Variants in CYP20A1 observed in about 807,000 individuals in gnomAD.
CYP20A1 encodes the protein cytochrome P450 20A1.
CYP20A1 carries 61 observed loss-of-function variants against 61.4 expected under a neutral mutation model. The observed-to-expected ratio is 0.99, with a 90% CI of 0.81 to 1.23. The LOEUF (loss-of-function observed/expected upper bound fraction) is 1.23. Among genes scored for constraint, CYP20A1 ranks in the 50% most tolerant of loss-of-function variants. The probability of loss-of-function intolerance (pLI) is 0.00; values close to 1 mark genes in which losing one functional copy is unlikely to be tolerated. For synonymous variants in CYP20A1, 193 were observed against 188.2 expected (o/e 1.03, Z -0.21); for missense variants, 530 against 542.4 (o/e 0.98, Z 0.23).
rs571027571 is a variant in CYP20A1 at position 203,292,950 on chromosome 2, C to T, written c.1148+624C>T. ...CAGCACTTTGGGAGGCTGAGGCGGG[C>T]GGATCACAAGGTCATGAGTTCAAGA... On this transcript the variant is annotated intron_variant, in intron 11 of 12. Transcript: ENST00000356079. Among the ~76,000 whole-genome samples, 625 of 151,762 alleles carry T rather than the reference C, an allele frequency of 4.1e-3. 10 individuals carry two copies. Among genetic ancestry groups the T allele is most frequent in the Admixed American group, 0.026 (400 of 15,260 alleles).
At chr2:203,281,275 G>C (rs768377457) in intron 8 of CYP20A1, among the ~76,000 whole-genome samples, 6 of 152,248 alleles carry the variant, frequency 3.9e-5, no homozygotes, top group Admixed American at 3.9e-4. Context: ...GGGAGGCCGA[G>C]GTGGATGAAT....
chr2:203,278,470 T>C (rs2067912202), intron 6 of CYP20A1, 103 bp from the exon 7 acceptor site: 1 of 497,370 alleles, frequency 2.0e-6, no homozygotes. Flanking sequence ...GTTACTAACT[T>C]TGAAGGTTTT....
At chr2:203,295,861 A>C (rs560697561) in intron 11 of CYP20A1, among the ~76,000 whole-genome samples, 2 of 152,228 alleles carry the variant, frequency 1.3e-5, no homozygotes, top group Admixed American at 1.3e-4. Flanking sequence ...AGACAGGAGA[A>C]TTGCTTGAAC....
chr2:203,279,067 C>T (rs1320480918), intron 7 of CYP20A1, among the ~76,000 whole-genome samples: 3 of 152,022 alleles, frequency 2.0e-5, no homozygotes, highest in Non-Finnish European at 4.4e-5. Flanking sequence ...TGGGTTCAAG[C>T]GATTCTCCTG....
At chr2:203,277,679 C>T (rs2067880173) in intron 6 of CYP20A1, among the ~76,000 whole-genome samples, 1 of 152,020 alleles carries the variant, frequency 6.6e-6, no homozygotes. Flanking sequence ...CTGAGCCCAC[C>T]TAATTTTTGT....
intron 1 of CYP20A1, among the ~76,000 whole-genome samples, chr2:203,243,374 C>T (rs1407981474): frequency 7.0e-6 from 1 of 142,570 alleles, no homozygotes; most frequent in Non-Finnish European, 1.5e-5. Flanking sequence ...GAACTCCTGA[C>T]CTCGTGATCC....
chr2:203,291,025 G>A (rs1204150777), intron 10 of CYP20A1, among the ~76,000 whole-genome samples: 1 of 152,054 alleles, frequency 6.6e-6, no homozygotes, highest in Non-Finnish European at 1.5e-5. Context: ...TACAGGTGTT[G>A]AGTAGAGTCT....
rs2069185144 is a variant in CYP20A1, at chr2:203,305,562, G to A, written c.*8654G>A. On this transcript the variant is annotated 3_prime_UTR_variant, in exon 13 of 13. Transcript: ENST00000356079. ...TTATAGTATGTGATAAATAGATCTT[G>A]TTATAGTATGTGATAAAATGCCATG... 6.6e-6 allele frequency: 1 copy of A among 152,020 alleles called. No homozygotes were observed. The highest frequency in any genetic ancestry group is 2.1e-4 in the South Asian group (1 of 4,820). 9.4% of individuals were successfully genotyped at this position (152,020 alleles called of 1,614,324 possible). A position where few individuals can be genotyped will look rare whatever the true frequency, so the allele number is the denominator to read the frequency against.
intron 5 of CYP20A1, among the ~76,000 whole-genome samples, chr2:203,271,855 T>G (rs1347657901): frequency 6.6e-6 from 1 of 151,974 alleles, no homozygotes; most frequent in African/African-American, 2.4e-5. Flanking sequence ...GGAAACCCCA[T>G]CTCTACTAAA....
At chr2:203,290,980 T>A (rs2068508846) in intron 10 of CYP20A1, among the ~76,000 whole-genome samples, 1 of 152,170 alleles carries the variant, frequency 6.6e-6, no homozygotes, top group Non-Finnish European at 1.5e-5. Flanking sequence ...TAGTGGAAAT[T>A]ATGATTGACA....
At chr2:203,271,069 TATATATA>T in intron 5 of CYP20A1, among the ~76,000 whole-genome samples, 6 of 78,874 alleles carry the variant, frequency 7.6e-5, no homozygotes, top group Non-Finnish European at 1.1e-4. Flanking sequence ...TATATATATA[TATATATA>T]TATATATTTT....
Position 203,292,346 on chromosome 2 carries a change from G to A in CYP20A1, c.1148+20G>A, listed in dbSNP as rs1442397219. The A allele has an allele frequency of 6.3e-7, 1 of 1,582,420 alleles. No individual in the cohort carries two copies. The highest frequency in any genetic ancestry group is 1.1e-5 in the South Asian group (1 of 89,842). On this transcript the variant is annotated intron_variant, in intron 11 of 12. Coordinates refer to ENST00000356079, the MANE Select transcript of CYP20A1 (RefSeq NM_177538.3). ...ACACAAGTATGAAATATTTGTCATT[G>A]TATTTGTGACTGTCAGTTTTTGTGT...
At chr2:203,250,426 A>G (rs1457169745) in intron 3 of CYP20A1, among the ~76,000 whole-genome samples, 1 of 152,196 alleles carries the variant, frequency 6.6e-6, no homozygotes, top group East Asian at 1.9e-4. Context: ...TACTTGCCTA[A>G]GGTCACAGCT....
rs2069183104 is a variant in CYP20A1 at position 203,305,502 on chromosome 2, T to A, written c.*8594T>A. Reference sequence around the variant, plus strand: ...GACGTGAGCCACTGCGCCCGGCCCGTTGGCTTGCTTTCTAGATACTGGGAA... The same window carrying A: ...GACGTGAGCCACTGCGCCCGGCCCGATGGCTTGCTTTCTAGATACTGGGAA... On this transcript the variant is annotated 3_prime_UTR_variant, in exon 13 of 13. Coordinates refer to ENST00000356079, the MANE Select transcript of CYP20A1 (RefSeq NM_177538.3). The A allele has an allele frequency of 2.0e-5, 3 of 151,990 alleles. No homozygotes were observed. Among genetic ancestry groups the A allele is most frequent in the African/African-American group, 7.3e-5 (3 of 41,358 alleles). The allele number at this position is 151,990 out of a possible 1,614,324, so 9.4% of individuals were successfully genotyped here. A position where few individuals can be genotyped will look rare whatever the true frequency, so the allele number is the denominator to read the frequency against.
intron 3 of CYP20A1, among the ~76,000 whole-genome samples, 176 bp from the exon 4 acceptor site, chr2:203,251,791 G>GTGTATATATATATATATATATATA (rs2066680582): frequency 1.4e-4 from 2 of 14,752 alleles, no homozygotes; most frequent in African/African-American, 4.7e-4. Context: ...ATATATATAT[G>GTGTATATATATATATATATATATA]TGTATATATA....
chr2:203,266,797 A>C, intron 5 of CYP20A1, 116 bp downstream of exon 5: 2 of 836,202 alleles, frequency 2.4e-6, no homozygotes, highest in South Asian at 1.7e-5. Flanking sequence ...CCTGCCCCAC[A>C]TGGTAAAAAC....
intron 5 of CYP20A1, among the ~76,000 whole-genome samples, chr2:203,269,158 T>A (rs2067453242): frequency 6.6e-6 from 1 of 152,188 alleles, no homozygotes; most frequent in Non-Finnish European, 1.5e-5. Context: ...TTTGCCTTTC[T>A]AGGCCAGGTA....
intron 8 of CYP20A1, among the ~76,000 whole-genome samples, chr2:203,282,980 G>A (rs939839853): frequency 1.3e-5 from 2 of 152,020 alleles, no homozygotes; most frequent in African/African-American, 2.4e-5. Flanking sequence ...GACAGGCTGG[G>A]CAATATAGTG....
chr2:203,266,357 A>G (rs1467285284), intron 4 of CYP20A1, among the ~76,000 whole-genome samples, 157 bp from the exon 5 acceptor site: 1 of 152,210 alleles, frequency 6.6e-6, no homozygotes, highest in Non-Finnish European at 1.5e-5. Context: ...GGATGCAATT[A>G]TAGGTGGAGC....
Sources: gnomAD v4.1 joint callset for allele counts (sites outside exome capture counted in the v4.1 genomes callset) on GRCh38, gnomAD v4.1.1 for gene constraint, MANE v1.5 for transcripts, NCBI Gene and HGNC (gene_info 2026-07-23, HGNC 2026-07-21) for gene names.